Variants in ACACA observed in about 807,000 individuals in gnomAD.
The protein encoded by ACACA is acetyl-CoA carboxylase 1.
Under a neutral mutation model 296.1 loss-of-function variants are expected in ACACA, and 103 were observed. The ratio of observed to expected loss-of-function variants is 0.35; its 90% CI spans 0.30 to 0.41. The LOEUF (loss-of-function observed/expected upper bound fraction) is 0.41. Ranked by LOEUF, ACACA falls within the 10% of genes least tolerant of loss-of-function variation. The pLI is 1.00. For synonymous variants in ACACA, 953 were observed against 1,038.6 expected (o/e 0.92, Z 1.58); for missense variants, 1,554 against 2,989.7 (o/e 0.52, Z 11.20).
intron 41 of ACACA, among the ~76,000 whole-genome samples, chr17:37,171,002 A>G (rs747750044): frequency 1.3e-5 from 2 of 152,248 alleles, no homozygotes; most frequent in African/African-American, 4.8e-5. Context: ...CAGAAAGAGA[A>G]TATCTTTGCC....
At chr17:37,143,661 A>C in intron 45 of ACACA, 3 of 886,942 alleles carry the variant, frequency 3.4e-6, no homozygotes, top group Non-Finnish European at 5.4e-6. Flanking sequence ...ACAAGAAAAA[A>C]ATCTGTGCTA....
At chr17:37,348,897 C>T (rs1019075792) in intron 1 of ACACA, among the ~76,000 whole-genome samples, 4 of 147,008 alleles carry the variant, frequency 2.7e-5, no homozygotes, top group Middle Eastern at 3.5e-3. Flanking sequence ...TACAGTGAGC[C>T]GAGATCGCGC....
At chr17:37,274,804 A>G (rs1200559989) in intron 8 of ACACA, 1 of 309,796 alleles carries the variant, frequency 3.2e-6, no homozygotes, top group Admixed American at 6.5e-5. Flanking sequence ...CATTCAAACA[A>G]GAACAAATTC....
intron 35 of ACACA, among the ~76,000 whole-genome samples, chr17:37,199,196 C>T (rs552672527): frequency 2.7e-5 from 4 of 150,432 alleles, no homozygotes; most frequent in African/African-American, 7.3e-5. Flanking sequence ...GCTGAGATTG[C>T]GCCACTGCAC....
chr17:37,285,646 T>C (rs1014527762), intron 3 of ACACA, among the ~76,000 whole-genome samples: 3 of 144,248 alleles, frequency 2.1e-5, no homozygotes, highest in Non-Finnish European at 4.5e-5. Flanking sequence ...AAACCCTGTC[T>C]ATAAAAAAAA....
intron 25 of ACACA, among the ~76,000 whole-genome samples, chr17:37,228,519 T>A (rs2079664495): frequency 6.6e-6 from 1 of 152,114 alleles, no homozygotes; most frequent in Admixed American, 6.6e-5. Flanking sequence ...CAAGTAAGTC[T>A]CACCTTTTGC....
intron 5 of ACACA, among the ~76,000 whole-genome samples, chr17:37,278,712 A>T (rs2082376291): frequency 6.6e-6 from 1 of 152,046 alleles, no homozygotes; most frequent in African/African-American, 2.4e-5. Context: ...ATCTCATTTA[A>T]TTCTCTCATC....
At chr17:37,266,615 T>A (rs2081792522) in intron 10 of ACACA, among the ~76,000 whole-genome samples, 1 of 152,196 alleles carries the variant, frequency 6.6e-6, no homozygotes, top group Non-Finnish European at 1.5e-5. Context: ...GCAAATCTTT[T>A]GCCAGCTGGA....
At chr17:37,196,448 T>A (rs939911032) in intron 35 of ACACA, among the ~76,000 whole-genome samples, 1 of 152,130 alleles carries the variant, frequency 6.6e-6, no homozygotes, top group East Asian at 1.9e-4. Flanking sequence ...ACCTTTTTTT[T>A]AAATCTCATG....
intron 1 of ACACA, among the ~76,000 whole-genome samples, chr17:37,379,993 C>T (rs1304469084): frequency 6.6e-6 from 1 of 150,646 alleles, no homozygotes; most frequent in Non-Finnish European, 1.5e-5. Flanking sequence ...TACTGCGGCA[C>T]TATTCACAAT....
At chr17:37,303,953 A>T (rs1282436124) in intron 3 of ACACA, among the ~76,000 whole-genome samples, 2 of 152,216 alleles carry the variant, frequency 1.3e-5, no homozygotes, top group Non-Finnish European at 2.9e-5. Context: ...CTGCATTCTC[A>T]CAAACCTTTG....
intron 25 of ACACA, among the ~76,000 whole-genome samples, chr17:37,233,691 T>C (rs2079971561): frequency 6.6e-6 from 1 of 152,036 alleles, no homozygotes; most frequent in African/African-American, 2.4e-5. Context: ...TTCATTAAAT[T>C]AAAAAAAACA....
At chr17:37,400,609 T>C (rs531743414) in intron 1 of ACACA, among the ~76,000 whole-genome samples, 2 of 152,202 alleles carry the variant, frequency 1.3e-5, no homozygotes, top group East Asian at 3.8e-4. Flanking sequence ...TAAGTGAGAT[T>C]AAGCAGTATT....
At chr17:37,318,076 G>A (rs4795190) in intron 3 of ACACA, among the ~76,000 whole-genome samples, 51,724 of 151,950 alleles carry the variant, frequency 0.34, 11,149 homozygotes, top group African/African-American at 0.6. Context: ...AGCTAAATGA[G>A]AAATGCTAAG....
At chr17:37,377,956 C>G in intron 1 of ACACA, 1 of 1,613,416 alleles carries the variant, frequency 6.2e-7, no homozygotes, top group Non-Finnish European at 8.5e-7. Flanking sequence ...CAGAGAATTG[C>G]AAATGCAAGG....
intron 25 of ACACA, among the ~76,000 whole-genome samples, chr17:37,229,998 T>G (rs954133342): frequency 6.6e-6 from 1 of 151,048 alleles, no homozygotes; most frequent in African/African-American, 2.4e-5. Flanking sequence ...GAGGTGGAGG[T>G]TGCAGTGAGC....
chr17:37,134,264 C>T (rs574550841), intron 45 of ACACA, among the ~76,000 whole-genome samples: 1 of 152,310 alleles, frequency 6.6e-6, no homozygotes, highest in African/African-American at 2.4e-5. Flanking sequence ...TAATATACCG[C>T]CTGCTCTCTC....
At chr17:37,227,329 T>C (rs1327478662) in intron 25 of ACACA, among the ~76,000 whole-genome samples, 1 of 152,204 alleles carries the variant, frequency 6.6e-6, no homozygotes, top group Non-Finnish European at 1.5e-5. Flanking sequence ...CTTTTTGAAC[T>C]TTACAGACCT....
At chr17:37,199,874 T>TA (rs1164889269) in intron 35 of ACACA, among the ~76,000 whole-genome samples, 1 of 151,806 alleles carries the variant, frequency 6.6e-6, no homozygotes, top group African/African-American at 2.4e-5. Context: ...ATATAAGAAT[T>TA]AAAAAAAATT....
Sources: gnomAD v4.1 joint callset for allele counts (sites outside exome capture counted in the v4.1 genomes callset) on GRCh38, gnomAD v4.1.1 for gene constraint, MANE v1.5 for transcripts, NCBI Gene and HGNC (gene_info 2026-07-23, HGNC 2026-07-21) for gene names.